Variants in COLEC12 observed in about 807,000 individuals in gnomAD.
COLEC12 encodes the protein collectin-12.
Under a neutral mutation model 71.1 loss-of-function variants are expected in COLEC12, and 33 were observed. The ratio of observed to expected loss-of-function variants is 0.46; its 90% CI spans 0.35 to 0.62. COLEC12 has a LOEUF of 0.62. COLEC12 is among the 20% of genes least tolerant of loss of function. The pLI is 0.00. For synonymous variants in COLEC12, 350 were observed against 353.0 expected (o/e 0.99, Z 0.10); for missense variants, 765 against 916.1 (o/e 0.84, Z 2.13).
rs752931800 is a variant in COLEC12 at position 335,027 on chromosome 18, G to A, written c.1531C>T (p.Arg511Cys). 4 of 1,592,346 alleles carry A rather than the reference G, an allele frequency of 2.5e-6. No homozygotes were observed. Among genetic ancestry groups the A allele is most frequent in the South Asian group, 1.1e-5 (1 of 88,398 alleles). The part of the protein sequence containing the change: ...SKGSQGPKGS[R>C]GSPGKPGPQG... ...GGGCCGGGCTTCCCAGGGGAACCAC[G>A]GGAGCCTTTGGGGCCCTGGGAGCCT... is the stretch of plus-strand genomic sequence containing the variant. The change falls in exon 6 of 10, where the codon CGT becomes TGT. Residue 511 changes from arginine to cysteine, a missense_variant. Physicochemically the swap from Arg to Cys is radical, Grantham distance 180 (BLOSUM62 -3). Transcript: ENST00000400256.
rs532491623 is a variant in COLEC12 at position 360,493 on chromosome 18, G to T, written c.59-2971C>A. On this transcript the variant is annotated intron_variant, in intron 2 of 9. Transcript: ENST00000400256. ...GGTGTGAGCCACCACGCCTGGCCAA[G>T]AATTTGGATTTCTAAGAAGTTCCCA... Among the ~76,000 whole-genome samples, 14 of 152,226 alleles carry T rather than the reference G, an allele frequency of 9.2e-5. No homozygotes were observed. The South Asian group carries it at 2.5e-3, about 27-fold the overall frequency.
rs370072492 is a variant in COLEC12 at position 379,985 on chromosome 18, A to ATT, written c.59-22465_59-22464dup. ...TACCCAAAGCTGAGGTAAGAGCTTT[A>ATT]TTTTTTTTTTCCAATGATGAAGAAA... On this transcript the variant is annotated intron_variant, in intron 2 of 9. Coordinates refer to ENST00000400256, the MANE Select transcript of COLEC12 (RefSeq NM_130386.3). Among the ~76,000 whole-genome samples the ATT allele has an allele frequency of 9.0e-3, 1,356 of 150,626 alleles. 19 individuals carry two copies. Among genetic ancestry groups the ATT allele is most frequent in the African/African-American group, 0.028 (1,152 of 41,096 alleles).
At chr18:429,964 T>C (rs1916270243) in intron 2 of COLEC12, among the ~76,000 whole-genome samples, 1 of 152,214 alleles carries the variant, frequency 6.6e-6, no homozygotes, top group Non-Finnish European at 1.5e-5. Flanking sequence ...TGCCTTAGGA[T>C]AGCGACTCTG....
intron 2 of COLEC12, among the ~76,000 whole-genome samples, chr18:452,640 G>A (rs7504980): frequency 0.034 from 5,159 of 152,236 alleles, 151 homozygotes; most frequent in African/African-American, 0.074. Context: ...GTGGGAGGAC[G>A]AAAGATCAGC....
intron 1 of COLEC12, among the ~76,000 whole-genome samples, chr18:481,425 C>T (rs979994476): frequency 1.3e-5 from 2 of 152,174 alleles, no homozygotes; most frequent in Admixed American, 6.5e-5. Context: ...GAGATGTCGG[C>T]CGGGCGCAGT....
At chr18:470,890 T>C (rs997701525) in intron 2 of COLEC12, among the ~76,000 whole-genome samples, 11 of 152,264 alleles carry the variant, frequency 7.2e-5, no homozygotes, top group Non-Finnish European at 1.6e-4. Flanking sequence ...ATAATTTTAC[T>C]TTTATATTTT....
At chr18:394,578 A>G (rs1170613667) in intron 2 of COLEC12, among the ~76,000 whole-genome samples, 2 of 152,258 alleles carry the variant, frequency 1.3e-5, no homozygotes, top group Non-Finnish European at 2.9e-5. Context: ...TTGACCTTGA[A>G]GGTTTCCCAT....
At chr18:341,826 T>G (rs1914258872) in intron 5 of COLEC12, among the ~76,000 whole-genome samples, 1 of 152,184 alleles carries the variant, frequency 6.6e-6, no homozygotes, top group African/African-American at 2.4e-5. Flanking sequence ...CAGCTCTGTC[T>G]GATTCCAGAG....
rs554339256 is a variant in COLEC12, at chr18:319,832, A to G, written c.*213T>C. ...CTATGTGATTCAGTCCATGTGCACAATGAAAATCAGCATATCACCCTGGGG... is the reference window on the plus strand; with the variant it reads ...CTATGTGATTCAGTCCATGTGCACAGTGAAAATCAGCATATCACCCTGGGG... On this transcript the variant is annotated 3_prime_UTR_variant, in exon 10 of 10. Coordinates refer to ENST00000400256, the MANE Select transcript of COLEC12 (RefSeq NM_130386.3). 9 of 571,260 alleles carry G rather than the reference A, an allele frequency of 1.6e-5. No homozygotes were observed. Among genetic ancestry groups the G allele is most frequent in the South Asian group, 2.3e-5 (1 of 43,486 alleles). The allele number at this position is 571,260 out of a possible 1,614,324, so 35.4% of individuals were successfully genotyped here.
intron 2 of COLEC12, among the ~76,000 whole-genome samples, chr18:437,704 C>A (rs750062763): frequency 5.3e-5 from 8 of 152,158 alleles, no homozygotes; most frequent in Non-Finnish European, 1.2e-4. Flanking sequence ...CTTCACATGA[C>A]AATATTTGAG....
intron 2 of COLEC12, among the ~76,000 whole-genome samples, chr18:466,137 G>A (rs951616446): frequency 6.6e-6 from 1 of 152,106 alleles, no homozygotes; most frequent in Admixed American, 6.5e-5. Context: ...CTACTAGGGA[G>A]GCTGAGGCAG....
intron 3 of COLEC12, among the ~76,000 whole-genome samples, chr18:354,825 C>T (rs1914596010): frequency 6.6e-6 from 1 of 152,154 alleles, no homozygotes; most frequent in South Asian, 2.1e-4. Flanking sequence ...AAGACATCAT[C>T]TCGTTTCCCC....
chr18:461,435 G>A (rs1020307742), intron 2 of COLEC12, among the ~76,000 whole-genome samples: 2 of 152,108 alleles, frequency 1.3e-5, no homozygotes, highest in South Asian at 2.1e-4. Flanking sequence ...CGCTCAGGCT[G>A]GAAGGCAGTG....
At chr18:363,031 G>T (rs1486215547) in intron 2 of COLEC12, among the ~76,000 whole-genome samples, 1 of 152,042 alleles carries the variant, frequency 6.6e-6, no homozygotes, top group East Asian at 1.9e-4. Context: ...TAAGAAGCTG[G>T]CAGGGGGGGA....
intron 1 of COLEC12, among the ~76,000 whole-genome samples, chr18:486,614 G>T (rs142249408): frequency 5.9e-5 from 9 of 152,312 alleles, no homozygotes; most frequent in Admixed American, 5.9e-4. Flanking sequence ...TGGGACTCAG[G>T]GGTTCCACAC....
intron 2 of COLEC12, among the ~76,000 whole-genome samples, chr18:415,678 T>C (rs989196519): frequency 3.3e-5 from 5 of 152,180 alleles, no homozygotes; most frequent in Admixed American, 3.3e-4. Context: ...CATGACTTCA[T>C]GACTTCTAAG....
In COLEC12 at chr18:430,325, TTC is replaced by T. The variant is rs1037679456; in HGVS notation, c.58+50380_58+50381del. ...CTCCAGCCTGGGTGTCAGAGAGAGA[TTC>T]TGTTTCAAAAAAAAAAAAATTAGAA... On this transcript the variant is annotated intron_variant, in intron 2 of 9. Coordinates refer to ENST00000400256, the MANE Select transcript of COLEC12 (RefSeq NM_130386.3). 1.4e-5 allele frequency among the ~76,000 whole-genome samples: 2 copies of T among 143,368 alleles called. 1 individual carries two copies. The highest frequency in any genetic ancestry group is 1.5e-4 in the Admixed American group (2 of 13,392). The allele number at this position is 143,368 out of a possible 152,430, so 94.1% of individuals were successfully genotyped here.
intron 2 of COLEC12, among the ~76,000 whole-genome samples, chr18:447,900 GTCAA>G (rs1916684297): frequency 6.6e-6 from 1 of 152,158 alleles, no homozygotes; most frequent in African/African-American, 2.4e-5. Flanking sequence ...TTTGGTAGCG[GTCAA>G]TCACTTTCAG....
chr18:444,725 T>C (rs1275426880), intron 2 of COLEC12, among the ~76,000 whole-genome samples: 1 of 152,148 alleles, frequency 6.6e-6, no homozygotes. Context: ...GAAAACAACT[T>C]TTATTTTAAA....
Sources: allele counts gnomAD v4.1 joint callset (sites outside exome capture counted in the v4.1 genomes callset), GRCh38; gene constraint gnomAD v4.1.1; transcripts MANE v1.5; gene names NCBI Gene and HGNC (gene_info 2026-07-23, HGNC 2026-07-21).